Variants in ARPP21 observed in about 807,000 individuals in gnomAD.
The protein encoded by ARPP21 is cAMP regulated phosphoprotein 21.
In ARPP21, 69 loss-of-function variants were observed where a neutral mutation model predicts 113.2. The ratio of observed to expected loss-of-function variants is 0.61; its 90% confidence interval spans 0.50 to 0.74. The LOEUF (loss-of-function observed/expected upper bound fraction) is 0.74. Among genes scored for constraint, ARPP21 ranks in the 30% least tolerant of loss-of-function variants. The probability of loss-of-function intolerance (pLI) is 0.00; values close to 1 mark genes in which losing one functional copy is unlikely to be tolerated. For synonymous variants in ARPP21, 368 were observed against 375.5 expected (o/e 0.98, Z 0.23); for missense variants, 1,070 against 1,037.4 (o/e 1.03, Z -0.43).
In ARPP21 at chr3:35,715,472, A is replaced by C; in HGVS notation, c.931A>C (p.Asn311His). The C allele has an allele frequency of 6.2e-7, 1 of 1,612,240 alleles. No homozygotes were observed. The highest frequency in any genetic ancestry group is 8.5e-7 in the Non-Finnish European group (1 of 1,178,570). The change falls in exon 12 of 21, where the codon AAC becomes CAC. Residue 311 changes from asparagine (N) to histidine (H), a missense_variant. Asn to His is a moderately conservative substitution (Grantham distance 68). Transcript: ENST00000684406. Reference protein sequence around the residue: ...VCSQESLFVENSRLLEDSNIC... With the variant: ...VCSQESLFVEHSRLLEDSNIC... ...CTCCCAGGAAAGCCTTTTTGTGGAAAACAGGTAAAATAAAATTTACTTTTC... is the reference window on the plus strand; with the variant it reads ...CTCCCAGGAAAGCCTTTTTGTGGAACACAGGTAAAATAAAATTTACTTTTC...
At chr3:35,673,230 A>G (rs1387997198) in intron 1 of ARPP21, among the ~76,000 whole-genome samples, 2 of 152,032 alleles carry the variant, frequency 1.3e-5, no homozygotes, top group Non-Finnish European at 2.9e-5. Context: ...CGTTTCTGCT[A>G]ATCTCTCTCT....
chr3:35,723,896 G>A (rs916152278), intron 14 of ARPP21, among the ~76,000 whole-genome samples: 1 of 152,176 alleles, frequency 6.6e-6, no homozygotes, highest in African/African-American at 2.4e-5. Context: ...AAGGTAGGAT[G>A]TCAAAACAAA....
At chr3:35,720,288 C>A (rs925330926) in intron 13 of ARPP21, among the ~76,000 whole-genome samples, 1 of 152,158 alleles carries the variant, frequency 6.6e-6, no homozygotes, top group Non-Finnish European at 1.5e-5. Flanking sequence ...TCAGTTATTT[C>A]ATTTTTATTT....
At chr3:35,694,412 A>C (rs950302093) in intron 9 of ARPP21, among the ~76,000 whole-genome samples, 1 of 151,518 alleles carries the variant, frequency 6.6e-6, no homozygotes, top group African/African-American at 2.4e-5. Context: ...CATTTCGCCA[A>C]GCACTTTACA....
chr3:35,792,502 T>C lies in ARPP21; in HGVS notation c.2258T>C (p.Val753Ala), dbSNP rs1180969524. 6.2e-7 allele frequency: 1 copy of C among 1,614,052 alleles called. No individual in the cohort carries two copies. ...GGAACTCCGGTGCAAAGCGTGATGGTTTCCTACCCAACAATGTCTTCTTAT... is the reference window on the plus strand; with the variant it reads ...GGAACTCCGGTGCAAAGCGTGATGGCTTCCTACCCAACAATGTCTTCTTAT... ...QQGTPVQSVM[V>A]SYPTMSSYQV... The change falls in exon 20 of 21, where the codon GTT (valine) becomes GCT (alanine). Residue 753 changes from valine (V) to alanine (A), a missense_variant. By Grantham distance (64) the Val-to-Ala change is moderately conservative. Coordinates refer to ENST00000684406, the MANE Select transcript of ARPP21 (RefSeq NM_001385562.1).
intron 11 of ARPP21, 46 bp downstream of exon 11, chr3:35,709,116 G>A (rs974968066): frequency 1.1e-5 from 14 of 1,313,184 alleles, no homozygotes; most frequent in Non-Finnish European, 1.3e-5. Flanking sequence ...CCTTCCAACA[G>A]CAGTAAGGCT....
chr3:35,760,316 T>A (rs1167172132), intron 19 of ARPP21, among the ~76,000 whole-genome samples: 1 of 152,074 alleles, frequency 6.6e-6, no homozygotes, highest in East Asian at 1.9e-4. Context: ...TTGGTGGCAT[T>A]GTCTTGAAGA....
intron 19 of ARPP21, among the ~76,000 whole-genome samples, chr3:35,784,466 G>T (rs1224809609): frequency 6.6e-6 from 1 of 152,208 alleles, no homozygotes; most frequent in African/African-American, 2.4e-5. Flanking sequence ...TGATATTCAT[G>T]ATTACAGTGC....
At chr3:35,689,454 C>A in intron 7 of ARPP21, 69 bp downstream of exon 7, 2 of 815,630 alleles carry the variant, frequency 2.5e-6, no homozygotes, top group South Asian at 1.4e-5. Context: ...AGTTATTAAT[C>A]CAACACTTCT....
chr3:35,741,908 A>G (rs1250683887), intron 18 of ARPP21, among the ~76,000 whole-genome samples: 1 of 152,148 alleles, frequency 6.6e-6, no homozygotes, highest in Non-Finnish European at 1.5e-5. Context: ...AGTTCCTAAG[A>G]GCTAACCAAA....
intron 3 of ARPP21, among the ~76,000 whole-genome samples, chr3:35,682,129 T>TA (rs1166090973): frequency 6.6e-6 from 1 of 151,862 alleles, no homozygotes; most frequent in African/African-American, 2.4e-5. Flanking sequence ...AGCATCCCCT[T>TA]ACCAATTTCC....
intron 15 of ARPP21, among the ~76,000 whole-genome samples, chr3:35,730,181 C>T (rs749062280): frequency 1.8e-4 from 28 of 152,118 alleles, no homozygotes; most frequent in Admixed American, 9.2e-4. Context: ...TGATGAATGG[C>T]CATTGGTTCT....
intron 19 of ARPP21, among the ~76,000 whole-genome samples, chr3:35,768,550 G>A (rs1246380760): frequency 3.3e-5 from 5 of 152,134 alleles, no homozygotes; most frequent in Admixed American, 3.3e-4. Flanking sequence ...CAATAGTAGT[G>A]TGTCTTTGAA....
At chr3:35,748,063 GAAGGAAGAAAGAAAGAAAGA>G (rs2095200619) in intron 19 of ARPP21, among the ~76,000 whole-genome samples, 2 of 71,462 alleles carry the variant, frequency 2.8e-5, no homozygotes, top group Admixed American at 1.4e-4. Context: ...AAGGAAGAAG[GAAGGAAGAAAGAAAGAAAGA>G]AAGAAAGAAA....
At chr3:35,708,670 C>T (rs957968880) in intron 10 of ARPP21, among the ~76,000 whole-genome samples, 10 of 152,200 alleles carry the variant, frequency 6.6e-5, no homozygotes, top group African/African-American at 7.2e-5. Flanking sequence ...TGAGCCATCA[C>T]GTATGTGAAT....
At chr3:35,657,664 C>T (rs1695622968) in intron 1 of ARPP21, among the ~76,000 whole-genome samples, 1 of 152,052 alleles carries the variant, frequency 6.6e-6, no homozygotes, top group Admixed American at 6.6e-5. Flanking sequence ...TGGAGTCAGT[C>T]TTCAAGCCCT....
chr3:35,640,686 T>C (rs570217145), intron 1 of ARPP21, among the ~76,000 whole-genome samples: 3 of 152,262 alleles, frequency 2.0e-5, no homozygotes, highest in African/African-American at 7.2e-5. Context: ...GGCTTTATGG[T>C]AGAAAGTTTG....
intron 19 of ARPP21, among the ~76,000 whole-genome samples, chr3:35,754,160 C>T (rs1171028927): frequency 6.6e-6 from 1 of 151,628 alleles, no homozygotes. Context: ...GTCTTTATAC[C>T]TTAATTTGCC....
At chr3:35,785,146 C>G (rs1197045085) in intron 19 of ARPP21, 2 of 152,186 alleles carry the variant, frequency 1.3e-5, no homozygotes, top group East Asian at 3.9e-4. Context: ...GAAAAAGCTT[C>G]TTAAAGTTGC....
Sources: allele counts gnomAD v4.1 joint callset (sites outside exome capture counted in the v4.1 genomes callset), GRCh38; gene constraint gnomAD v4.1.1; transcripts MANE v1.5; gene names NCBI Gene and HGNC (gene_info 2026-07-23, HGNC 2026-07-21).